The following PTPRG variants were observed in gnomAD, a reference collection of about 807,000 sequenced individuals.
PTPRG encodes the protein receptor-type tyrosine-protein phosphatase gamma.
A neutral mutation model predicts 165.3 loss-of-function variants in PTPRG; 102 were observed. That is an observed-to-expected ratio of 0.62 (90% CI 0.53 to 0.73). PTPRG has a LOEUF of 0.73. Ranked by LOEUF, PTPRG falls within the 30% of genes least tolerant of loss-of-function variation. PTPRG has a pLI of 0.00. For missense variants in PTPRG, 1,866 were observed against 1,861.4 expected, an observed-to-expected ratio of 1.00 and a Z score of -0.05; for synonymous variants, 675 against 669.5, an observed-to-expected ratio of 1.01 and a Z score of -0.13.
At chr3:61,651,550 G>T (rs1702355023) in intron 1 of PTPRG, among the ~76,000 whole-genome samples, 1 of 152,150 alleles carries the variant, frequency 6.6e-6, no homozygotes, top group South Asian at 2.1e-4. Flanking sequence ...GTCCATGTGG[G>T]AATTGACCTG....
chr3:62,107,818 C>T (rs1021890644), intron 5 of PTPRG, among the ~76,000 whole-genome samples: 1 of 116,776 alleles, frequency 8.6e-6, no homozygotes, highest in African/African-American at 3.0e-5. Context: ...TAACTACTTA[C>T]TAAATTCCCA....
chr3:62,023,610 T>A (rs140534247), intron 4 of PTPRG, among the ~76,000 whole-genome samples: 369 of 152,254 alleles, frequency 2.4e-3, no homozygotes, highest in African/African-American at 8.5e-3. Context: ...CAAACAAAAA[T>A]CTTTTTCGTG....
chr3:62,216,913 C>A (rs1282164835), intron 12 of PTPRG, among the ~76,000 whole-genome samples: 1 of 152,212 alleles, frequency 6.6e-6, no homozygotes, highest in African/African-American at 2.4e-5. Flanking sequence ...CCCCTTCATC[C>A]TTCAACACTT....
chr3:62,204,708 C>T (rs1293673652), intron 12 of PTPRG, among the ~76,000 whole-genome samples: 1 of 152,180 alleles, frequency 6.6e-6, no homozygotes, highest in Non-Finnish European at 1.5e-5. Context: ...GGCCCATGGT[C>T]CTTGCCCAAG....
intron 2 of PTPRG, among the ~76,000 whole-genome samples, chr3:61,907,844 A>G (rs6445244): frequency 0.47 from 70,706 of 151,792 alleles, 19,264 homozygotes; most frequent in African/African-American, 0.76. Context: ...AGTATTTTGG[A>G]ACTGGATGCA....
At chr3:61,839,671 A>T (rs1415046894) in intron 2 of PTPRG, among the ~76,000 whole-genome samples, 1 of 152,260 alleles carries the variant, frequency 6.6e-6, no homozygotes, top group Non-Finnish European at 1.5e-5. Flanking sequence ...TTTTAAGGTT[A>T]TAGAGCTAAC....
At chr3:62,135,686 G>C (rs888760486) in intron 6 of PTPRG, among the ~76,000 whole-genome samples, 3 of 152,136 alleles carry the variant, frequency 2.0e-5, no homozygotes, top group African/African-American at 7.2e-5. Flanking sequence ...AAAGATTTTT[G>C]GCAGGGAGGG....
At chr3:62,189,982 C>G (rs1050282195) in intron 8 of PTPRG, among the ~76,000 whole-genome samples, 1 of 152,196 alleles carries the variant, frequency 6.6e-6, no homozygotes, top group African/African-American at 2.4e-5. Flanking sequence ...GCTCTCAGCT[C>G]TCAGTTACAT....
At chr3:61,653,894 AGC>A (rs1491332994) in intron 1 of PTPRG, among the ~76,000 whole-genome samples, 1,373 of 5,276 alleles carry the variant, frequency 0.26, 48 homozygotes, top group African/African-American at 0.27. Context: ...TTAAGCGGGG[AGC>A]GGTGGGGGGC....
intron 1 of PTPRG, among the ~76,000 whole-genome samples, chr3:61,700,826 T>A (rs1356560827): frequency 6.6e-6 from 1 of 152,200 alleles, no homozygotes; most frequent in Non-Finnish European, 1.5e-5. Flanking sequence ...CCCTTTCCCA[T>A]TTATTACATC....
intron 1 of PTPRG, among the ~76,000 whole-genome samples, chr3:61,713,501 T>A (rs1346065532): frequency 2.0e-5 from 3 of 152,050 alleles, no homozygotes; most frequent in African/African-American, 2.4e-5. Flanking sequence ...AGCCTCTGTA[T>A]GTGTTGTAAC....
chr3:61,658,338 G>GTCTCAGGA (rs1377125576), intron 1 of PTPRG, among the ~76,000 whole-genome samples: 1 of 152,148 alleles, frequency 6.6e-6, no homozygotes, highest in Non-Finnish European at 1.5e-5. Context: ...GCTAGGTGAG[G>GTCTCAGGA]TCTCAGGATC....
chr3:62,121,360 C>G (rs1332333405), intron 5 of PTPRG, among the ~76,000 whole-genome samples: 1 of 152,092 alleles, frequency 6.6e-6, no homozygotes, highest in Non-Finnish European at 1.5e-5. Context: ...ATCCTCTTAA[C>G]AACCCTATGA....
intron 1 of PTPRG, among the ~76,000 whole-genome samples, chr3:61,634,458 T>C (rs2106936964): frequency 6.6e-6 from 1 of 152,246 alleles, no homozygotes; most frequent in Middle Eastern, 3.4e-3. Context: ...CAGGCTGGTC[T>C]CGAACTCCTG....
chr3:62,096,154 C>T (rs183211182), intron 5 of PTPRG, among the ~76,000 whole-genome samples: 10 of 152,016 alleles, frequency 6.6e-5, no homozygotes, highest in Admixed American at 2.6e-4. Flanking sequence ...GCTGGGACCT[C>T]GGGAAAAATG....
intron 2 of PTPRG, among the ~76,000 whole-genome samples, chr3:61,888,229 G>C (rs1446372283): frequency 6.6e-6 from 1 of 151,804 alleles, no homozygotes; most frequent in Non-Finnish European, 1.5e-5. Flanking sequence ...GTGTCTGTCT[G>C]TCCGTCTGTG....
chr3:61,973,517 G>A (rs753101403), intron 2 of PTPRG, among the ~76,000 whole-genome samples: 29 of 151,240 alleles, frequency 1.9e-4, no homozygotes, highest in Non-Finnish European at 3.7e-4. Flanking sequence ...TTGCCAAATA[G>A]GACTCTTCAT....
chr3:62,007,312 C>T (rs115303899), intron 4 of PTPRG, among the ~76,000 whole-genome samples: 167 of 152,266 alleles, frequency 1.1e-3, no homozygotes, highest in Non-Finnish European at 2.3e-3. Context: ...TCCTAGACTC[C>T]GTCTTGTAGT....
At chr3:61,787,956 C>T (rs376027681) in intron 2 of PTPRG, among the ~76,000 whole-genome samples, 10 of 152,020 alleles carry the variant, frequency 6.6e-5, no homozygotes, top group Non-Finnish European at 1.3e-4. Context: ...AGATGGCTCC[C>T]GCTATCTCAG....
Sources: gnomAD v4.1 joint callset for allele counts (sites outside exome capture counted in the v4.1 genomes callset) on GRCh38, gnomAD v4.1.1 for gene constraint, MANE v1.5 for transcripts, NCBI Gene and HGNC (gene_info 2026-07-23, HGNC 2026-07-21) for gene names.